The following PLAAT1 variants were observed in gnomAD, a reference collection of about 807,000 sequenced individuals.
PLAAT1 encodes H-REV107 protein-related protein.
A neutral mutation model predicts 16.4 loss-of-function variants in PLAAT1; 13 were observed. That is an observed-to-expected ratio of 0.79 (90% CI 0.52 to 1.26). The LOEUF is 1.26. PLAAT1 is among the 50% of genes most tolerant of loss of function. The pLI, the probability that PLAAT1 is intolerant of heterozygous loss-of-function variation, is 0.00. For missense variants in PLAAT1, 218 were observed against 207.8 expected (o/e 1.05, Z -0.30); for synonymous variants, 73 against 78.4 (o/e 0.93, Z 0.36).
chr3:193,263,846 G>A (rs1716680813), intron 3 of PLAAT1, among the ~76,000 whole-genome samples: 1 of 151,928 alleles, frequency 6.6e-6, no homozygotes, highest in Non-Finnish European at 1.5e-5. Context: ...CCATTGTTTT[G>A]TAGTATGACA....
chr3:193,270,925 G>T, downstream of PLAAT1: 1 of 933,742 alleles, frequency 1.1e-6, no homozygotes, highest in Non-Finnish European at 1.4e-6. Flanking sequence ...CGGAGAAGCA[G>T]TAGTCTTTTG....
chr3:193,241,505 C>A lies in PLAAT1; in HGVS notation c.-29C>A. The A allele has an allele frequency of 8.1e-7, 1 of 1,231,920 alleles. No individual in the cohort carries two copies. Among genetic ancestry groups the A allele is most frequent in the Non-Finnish European group, 1.0e-6 (1 of 988,146 alleles). The allele number at this position is 1,231,920 out of a possible 1,614,324, so 76.3% of individuals were successfully genotyped here. ...GGACACACACAGCTGCCTCCCGGTG[C>A]GAGAAGAAGACCCCGGCTTGAGAGT... On this transcript the variant is annotated 5_prime_UTR_variant, in exon 1 of 4. Transcript: ENST00000264735.
intron 1 of PLAAT1, among the ~76,000 whole-genome samples, chr3:193,249,696 T>G (rs1716123042): frequency 1.3e-5 from 2 of 152,086 alleles, no homozygotes; most frequent in African/African-American, 4.8e-5. Flanking sequence ...CATTCTTTTT[T>G]CTTTAAAAAT....
At chr3:193,257,826 C>A (rs879339766) in intron 2 of PLAAT1, among the ~76,000 whole-genome samples, 1 of 152,166 alleles carries the variant, frequency 6.6e-6, no homozygotes, top group Non-Finnish European at 1.5e-5. Flanking sequence ...GGAAAAATTA[C>A]ACTGGCTAAG....
At chr3:193,259,311 T>C (rs1716501239) in intron 2 of PLAAT1, among the ~76,000 whole-genome samples, 1 of 152,164 alleles carries the variant, frequency 6.6e-6, no homozygotes, top group Admixed American at 6.5e-5. Context: ...CCTTCAGAAC[T>C]GAAGCAAGAT....
chr3:193,263,337 C>G, intron 3 of PLAAT1, 102 bp downstream of exon 3: 2 of 1,119,614 alleles, frequency 1.8e-6, no homozygotes, highest in Non-Finnish European at 2.5e-6. Context: ...CCAGAAAATA[C>G]GAGAATACTG....
chr3:193,255,368 A>G (rs1410370084), intron 1 of PLAAT1, among the ~76,000 whole-genome samples: 1 of 152,186 alleles, frequency 6.6e-6, no homozygotes, highest in Non-Finnish European at 1.5e-5. Flanking sequence ...AGAGAAAATT[A>G]CAGAATGCTT....
downstream of PLAAT1, chr3:193,279,293 G>C: frequency 8.4e-7 from 1 of 1,194,054 alleles, no homozygotes; most frequent in Non-Finnish European, 1.2e-6. Context: ...AGTAATAATT[G>C]ACTTGTGAAT....
chr3:193,266,811 A>G (rs527255163), intron 3 of PLAAT1, among the ~76,000 whole-genome samples: 1 of 151,888 alleles, frequency 6.6e-6, no homozygotes, highest in South Asian at 2.1e-4. Flanking sequence ...TCTAGCAGCA[A>G]CTGGATTATA....
At chr3:193,254,937 C>T (rs1307829522) in intron 1 of PLAAT1, among the ~76,000 whole-genome samples, 1 of 152,172 alleles carries the variant, frequency 6.6e-6, no homozygotes, top group Non-Finnish European at 1.5e-5. Context: ...ATTTGAACAT[C>T]TGGCTGGACA....
downstream of PLAAT1, chr3:193,275,092 G>A (rs1717124503): frequency 6.2e-7 from 1 of 1,614,036 alleles, no homozygotes; most frequent in African/African-American, 1.3e-5. Context: ...CCCAATTTGA[G>A]TTTTCTTTTT....
upstream of PLAAT1, among the ~76,000 whole-genome samples, chr3:193,240,654 C>CGTGTGTGTGTGTGTGTGTGTGTGTGT (rs370008875): frequency 3.2e-4 from 28 of 88,568 alleles, no homozygotes; most frequent in Non-Finnish European, 3.7e-4. Context: ...GGCTATCTGG[C>CGTGTGTGTGTGTGTGTGTGTGTGTGT]GTGTGTGTGT....
chr3:193,268,619 T>C (rs78412665), intron 3 of PLAAT1, among the ~76,000 whole-genome samples: 1,592 of 152,320 alleles, frequency 0.01, 54 homozygotes, highest in East Asian at 0.071. Context: ...TCCAGTGGGT[T>C]GTCCCAATTA....
chr3:193,278,990 A>G (rs1396284232), downstream of PLAAT1, among the ~76,000 whole-genome samples: 1 of 152,126 alleles, frequency 6.6e-6, no homozygotes. Context: ...TTATAAGTCT[A>G]TGTTTTCTTT....
chr3:193,244,816 TC>T (rs772275995), intron 1 of PLAAT1, among the ~76,000 whole-genome samples: 3 of 152,002 alleles, frequency 2.0e-5, no homozygotes, highest in Non-Finnish European at 4.4e-5. Context: ...AGCCACTAGT[TC>T]CCTTCCCATG....
At chr3:193,275,249 T>A (rs777553395), downstream of PLAAT1, 2 of 1,614,112 alleles carry the variant, frequency 1.2e-6, no homozygotes, top group South Asian at 2.2e-5. Context: ...TAGAGTAGAA[T>A]CCAAATTCTC....
Position 193,260,667 on chromosome 3 carries a change from T to C in PLAAT1, c.140-2303T>C, listed in dbSNP as rs533970605. Among the ~76,000 whole-genome samples the C allele has an allele frequency of 1.1e-4, 16 of 151,286 alleles. 1 individual carries two copies. In the East Asian group the frequency reaches 3.1e-3, roughly 29 times the overall value. ...AGATACCATCTCACATCAGTCAGAA[T>C]GGTGATTATTAAAAAGTCAAAAAAA... is the stretch of plus-strand genomic sequence containing the variant. On this transcript the variant is annotated intron_variant, in intron 2 of 3. Coordinates refer to ENST00000264735, the MANE Select transcript of PLAAT1 (RefSeq NM_020386.5).
chr3:193,268,909 T>C (rs1432736023), intron 3 of PLAAT1, among the ~76,000 whole-genome samples: 1 of 152,178 alleles, frequency 6.6e-6, no homozygotes, highest in African/African-American at 2.4e-5. Flanking sequence ...ATCCTGCCAT[T>C]TTCCAAGGGC....
chr3:193,271,561 C>T (rs1716981782), downstream of PLAAT1, among the ~76,000 whole-genome samples: 2 of 152,172 alleles, frequency 1.3e-5, no homozygotes, highest in Admixed American at 1.3e-4. Context: ...TTTTATGCTG[C>T]TCCAGTGAAA....
Sources: gnomAD v4.1 joint callset for allele counts (sites outside exome capture counted in the v4.1 genomes callset) on GRCh38, gnomAD v4.1.1 for gene constraint, MANE v1.5 for transcripts, NCBI Gene and HGNC (gene_info 2026-07-23, HGNC 2026-07-21) for gene names.